RASA3: variants seen among roughly 807,000 people sequenced by gnomAD.
RASA3 encodes RAS p21 protein activator 3.
In RASA3, 73 loss-of-function variants were observed where a neutral mutation model predicts 110.0. The observed-to-expected ratio is 0.66, with a 90% CI of 0.55 to 0.81. RASA3 has a LOEUF of 0.81. RASA3 is among the 30% of genes least tolerant of loss of function. RASA3 has a pLI of 0.00. For missense variants in RASA3, 976 were observed against 1,113.2 expected (o/e 0.88, Z 1.75); for synonymous variants, 500 against 451.4 (o/e 1.11, Z -1.37).
intron 2 of RASA3, among the ~76,000 whole-genome samples, chr13:114,059,509 C>T (rs1490909535): frequency 5.9e-5 from 9 of 152,240 alleles, no homozygotes; most frequent in Non-Finnish European, 1.2e-4. Flanking sequence ...TGGGGACGTC[C>T]ACGTTTCAAC....
chr13:114,062,568 TCGGACACGCGTGCTCACAGCCCACGTCC>T (rs2079374467), intron 2 of RASA3, among the ~76,000 whole-genome samples: 1 of 133,236 alleles, frequency 7.5e-6, no homozygotes, highest in African/African-American at 3.0e-5. Flanking sequence ...GCACGCAGAC[TCGGACACGCGTGCTCACAGCCCACGTCC>T]GCACGCAGAC....
At position 114,011,386 on chromosome 13, in the gene RASA3, C is replaced by T. The variant is rs1039352436; in HGVS notation, c.1513-138G>A. On this transcript the variant is annotated intron_variant, in intron 15 of 23. Coordinates refer to ENST00000334062, the MANE Select transcript of RASA3 (RefSeq NM_007368.4). The surrounding 1 kb of genome is among the most constrained non-coding windows in gnomAD (Gnocchi z 4.8). ...ATGAGCTACGGAGAAACAGGGGTAG[C>T]GACGCAGATGGGACTGGAGGGGGTG... 39 of 747,142 alleles carry T rather than the reference C, an allele frequency of 5.2e-5. No homozygotes were observed. Among genetic ancestry groups the T allele is most frequent in the Non-Finnish European group, 7.5e-5 (33 of 438,508 alleles). The allele number at this position is 747,142 out of a possible 1,614,324, so 46.3% of individuals were successfully genotyped here. A position where few individuals can be genotyped will look rare whatever the true frequency, so the allele number is the denominator to read the frequency against.
At chr13:114,052,733 A>AC (rs2079167991) in intron 2 of RASA3, among the ~76,000 whole-genome samples, 2 of 132,670 alleles carry the variant, frequency 1.5e-5, no homozygotes, top group Non-Finnish European at 3.2e-5. Flanking sequence ...TGGGGGAGAG[A>AC]TCCCCGCTGC....
At position 114,011,710 on chromosome 13, in the gene RASA3, G is replaced by A. The variant is rs988221694; in HGVS notation, c.1513-462C>T. ...GGCCGAGGCAGGTAGATCACTTGAG[G>A]TCAGGAGTTCGAGACCAGCCTGGCC... On this transcript the variant is annotated intron_variant, in intron 15 of 23. Transcript: ENST00000334062. This position sits in a 1 kb window ranked among gnomAD's most constrained non-coding sequence, Gnocchi z 4.8. 6.6e-5 allele frequency among the ~76,000 whole-genome samples: 10 copies of A among 152,072 alleles called. No individual in the cohort carries two copies. The highest frequency in any genetic ancestry group is 7.4e-5 in the Non-Finnish European group (5 of 67,998).
At chr13:113,984,444 T>TGTCCATCCACCCATCACTCACCCATCC (rs1566441992) in intron 22 of RASA3, among the ~76,000 whole-genome samples, 1 of 58,318 alleles carries the variant, frequency 1.7e-5, no homozygotes, top group African/African-American at 5.7e-5. Flanking sequence ...CTCATCCATC[T>TGTCCATCCACCCATCACTCACCCATCC]GTCCATCCAC....
intron 3 of RASA3, among the ~76,000 whole-genome samples, chr13:114,041,472 G>A (rs1311297773): frequency 2.0e-5 from 3 of 152,276 alleles, no homozygotes; most frequent in Admixed American, 6.5e-5. Context: ...GCGAACGTCC[G>A]CTCCATCGGC....
chr13:114,012,144 G>A (rs2053648529), intron 15 of RASA3, among the ~76,000 whole-genome samples: 1 of 152,052 alleles, frequency 6.6e-6, no homozygotes, highest in Non-Finnish European at 1.5e-5. Flanking sequence ...TACTCCATAT[G>A]TGATGGGCAG....
intron 2 of RASA3, among the ~76,000 whole-genome samples, chr13:114,055,632 C>T (rs956617287): frequency 1.3e-5 from 2 of 152,264 alleles, no homozygotes; most frequent in African/African-American, 4.8e-5. Flanking sequence ...ACGGCCTCTT[C>T]TGTACGTCCT....
intron 1 of RASA3, among the ~76,000 whole-genome samples, chr13:114,110,895 G>A (rs1381843347): frequency 6.6e-6 from 1 of 152,220 alleles, no homozygotes; most frequent in Non-Finnish European, 1.5e-5. Context: ...GCAGCAGAGT[G>A]AGGGTCTGGC....
chr13:114,132,179 C>T (rs1007031980), intron 1 of RASA3, among the ~76,000 whole-genome samples: 2 of 152,198 alleles, frequency 1.3e-5, no homozygotes, highest in Non-Finnish European at 2.9e-5. Flanking sequence ...TACCAGGGAC[C>T]GGGGCCGCTC....
At chr13:114,076,994 T>G (rs2079695916) in intron 1 of RASA3, among the ~76,000 whole-genome samples, 2 of 152,054 alleles carry the variant, frequency 1.3e-5, no homozygotes, top group African/African-American at 4.8e-5. Context: ...CTGGGATTTC[T>G]TTGTTTTTTG....
chr13:114,066,967 G>A (rs932769690), intron 2 of RASA3, among the ~76,000 whole-genome samples: 4 of 146,704 alleles, frequency 2.7e-5, no homozygotes, highest in Non-Finnish European at 4.5e-5. Flanking sequence ...CTGGGCTGAG[G>A]ACAGGCCCCC....
rs2053789330 is a variant in RASA3 at position 114,016,263 on chromosome 13, C to G, written c.1215G>C (p.Gln405His). The G allele has an allele frequency of 2.5e-6, 4 of 1,591,010 alleles. No homozygotes were observed. Among genetic ancestry groups the G allele is most frequent in the Non-Finnish European group, 3.5e-6 (4 of 1,159,254 alleles). Residue 405 changes from glutamine (Q) to histidine (H), a missense_variant, in exon 13 of 24, where the codon CAG (glutamine) becomes CAC (histidine). Physicochemically the swap from Gln to His is conservative, Grantham distance 24. This residue lies in a region of RASA3 where 732 missense variants were observed against 779.7 expected (regional missense o/e 0.94). Coordinates refer to ENST00000334062, the MANE Select transcript of RASA3 (RefSeq NM_007368.4). Reference protein sequence around the residue: ...TLKPAIEEICQSHKPCEIDPV... With the variant: ...TLKPAIEEICHSHKPCEIDPV... ...GGTCGATTTCACAGGGTTTGTGGCTCTGGCATATCTGGGGAGAGGTTTAAG... is the reference window on the plus strand; with the variant it reads ...GGTCGATTTCACAGGGTTTGTGGCTGTGGCATATCTGGGGAGAGGTTTAAG...
chr13:114,121,773 C>T (rs757221380), intron 1 of RASA3, among the ~76,000 whole-genome samples: 1 of 152,206 alleles, frequency 6.6e-6, no homozygotes, highest in Non-Finnish European at 1.5e-5. Flanking sequence ...TGGCCCATTG[C>T]GCTAGCCCTG....
At chr13:114,036,978 G>A (rs555280392) in intron 4 of RASA3, among the ~76,000 whole-genome samples, 9 of 152,316 alleles carry the variant, frequency 5.9e-5, no homozygotes, top group African/African-American at 2.2e-4. Flanking sequence ...CAATGACCTT[G>A]CCTCCTCCCT....
chr13:114,087,649 G>C (rs1348181072), intron 1 of RASA3, among the ~76,000 whole-genome samples: 1 of 152,224 alleles, frequency 6.6e-6, no homozygotes, highest in Non-Finnish European at 1.5e-5. Flanking sequence ...CCAAGTCTCA[G>C]TGGAGCTCCT....
chr13:114,017,502 G>C, intron 11 of RASA3, 151 bp from the exon 12 acceptor site: 1 of 675,760 alleles, frequency 1.5e-6, no homozygotes. Context: ...AGCACAACCA[G>C]GCCAGGTGCT....
rs977216038 is a variant in RASA3, at chr13:114,036,560, G to A, written c.372+4440C>T. 9.2e-5 allele frequency among the ~76,000 whole-genome samples: 14 copies of A among 151,948 alleles called. 1 individual carries two copies. Among genetic ancestry groups the A allele is most frequent in the Admixed American group, 7.2e-4 (11 of 15,256 alleles). On this transcript the variant is annotated intron_variant, in intron 4 of 23. Coordinates refer to ENST00000334062, the MANE Select transcript of RASA3 (RefSeq NM_007368.4). ...CTTCTTCTTCTTCTTTTTTTGAGAT[G>A]GAGTTTCACTCTTGTTGCCCAGGCT...
intron 1 of RASA3, among the ~76,000 whole-genome samples, chr13:114,117,191 G>A (rs1466011196): frequency 9.1e-6 from 1 of 110,344 alleles, no homozygotes; most frequent in African/African-American, 3.2e-5. Context: ...TGTGTGTGAG[G>A]AGAGCACGTG....
Sources: allele counts gnomAD v4.1 joint callset (sites outside exome capture counted in the v4.1 genomes callset), GRCh38; gene constraint gnomAD v4.1.1; regional missense constraint gnomAD v4.1.1; non-coding constraint Gnocchi (gnomAD v3.1); transcripts MANE v1.5; gene names NCBI Gene and HGNC (gene_info 2026-07-23, HGNC 2026-07-21).